SLC38A7: variants seen among roughly 807,000 people sequenced by gnomAD.
The protein encoded by SLC38A7 is sodium-coupled neutral amino acid transporter 7.
A neutral mutation model predicts 50.1 loss-of-function variants in SLC38A7; 29 were observed. That is an observed-to-expected ratio of 0.58 (90% CI 0.43 to 0.79). The LOEUF (loss-of-function observed/expected upper bound fraction) is 0.79, where lower values mean the gene tolerates loss of function less well. Among genes scored for constraint, SLC38A7 ranks in the 30% least tolerant of loss-of-function variants. The pLI is 0.00. For missense variants in SLC38A7, 483 were observed against 610.6 expected, an observed-to-expected ratio of 0.79 and a Z score of 2.20; for synonymous variants, 244 against 245.9, an observed-to-expected ratio of 0.99 and a Z score of 0.07.
chr16:58,676,231 C>T (rs549754441), intron 7 of SLC38A7, 58 bp downstream of exon 7: 1 of 1,610,370 alleles, frequency 6.2e-7, no homozygotes, highest in South Asian at 1.1e-5. Flanking sequence ...TGCTGGGTTC[C>T]ATCCCAGGGT....
chr16:58,683,243 C>T (rs2044429566), intron 2 of SLC38A7, among the ~76,000 whole-genome samples: 1 of 152,170 alleles, frequency 6.6e-6, no homozygotes. Context: ...ATAATGACTG[C>T]CCTAACCATT....
At chr16:58,668,858 C>T (rs908673462) in intron 11 of SLC38A7, among the ~76,000 whole-genome samples, 5 of 151,350 alleles carry the variant, frequency 3.3e-5, no homozygotes, top group Non-Finnish European at 1.5e-5. Context: ...CTGCAACCTC[C>T]GCCTCCGGGG....
Position 58,678,418 on chromosome 16 carries a change from G to A in SLC38A7, c.526C>T (p.Arg176Cys), listed in dbSNP as rs750440739. The A allele has an allele frequency of 1.1e-5, 17 of 1,599,976 alleles. No individual in the cohort carries two copies. Among genetic ancestry groups the A allele is most frequent in the South Asian group, 4.5e-5 (4 of 89,004 alleles). The stretch of plus-strand genomic sequence containing the variant: ...GCAGTGAGGCTGATGGTGAACTTGC[G>A]GTCTGTGTACCAAGGGCCGCTGGCC... ...EGASGPWYTD[R>C]KFTISLTAFL... Residue 176 changes from arginine (R) to cysteine (C), a missense_variant, in exon 5 of 12, where the codon CGC becomes TGC. Arg to Cys is a radical substitution (Grantham distance 180). Coordinates refer to ENST00000219320, the MANE Select transcript of SLC38A7 (RefSeq NM_018231.3). The surrounding 1 kb of genome is among the most constrained non-coding windows in gnomAD (Gnocchi z 4.0).
At chr16:58,671,006 T>C in intron 10 of SLC38A7, 39 bp downstream of exon 10, 2 of 1,555,608 alleles carry the variant, frequency 1.3e-6, no homozygotes, top group African/African-American at 1.4e-5. Flanking sequence ...TGGGAGTCTG[T>C]GCTGTGGGGC....
chr16:58,676,697 G>C (rs2044274279), intron 6 of SLC38A7, among the ~76,000 whole-genome samples: 1 of 152,126 alleles, frequency 6.6e-6, no homozygotes, highest in Admixed American at 6.6e-5. Context: ...TGTCACCCAG[G>C]CTGGAGTGCA....
intron 10 of SLC38A7, 76 bp downstream of exon 10, chr16:58,670,969 A>C: frequency 6.7e-7 from 1 of 1,491,344 alleles, no homozygotes; most frequent in East Asian, 2.5e-5. Flanking sequence ...GTTTTGAGCA[A>C]GTAGGGAGCT....
chr16:58,680,493 C>G (rs1225785997), intron 2 of SLC38A7, among the ~76,000 whole-genome samples: 1 of 152,206 alleles, frequency 6.6e-6, no homozygotes, highest in African/African-American at 2.4e-5. Context: ...ACTAACACAT[C>G]AGCACTCGAT....
intron 9 of SLC38A7, chr16:58,671,491 G>A (rs2044158178): frequency 1.7e-6 from 1 of 579,464 alleles, no homozygotes; most frequent in African/African-American, 1.9e-5. Flanking sequence ...TCCTTAAAAG[G>A]AACTGTCTGG....
chr16:58,679,588 T>C (rs1250424298), intron 3 of SLC38A7: 2 of 538,802 alleles, frequency 3.7e-6, no homozygotes, highest in Non-Finnish European at 6.5e-6. Flanking sequence ...ATAAGGGCCC[T>C]CTTTTTAAAC....
intron 3 of SLC38A7, chr16:58,679,484 A>C: frequency 2.1e-6 from 1 of 483,724 alleles, no homozygotes; most frequent in Non-Finnish European, 3.6e-6. Context: ...TTGTTTCATC[A>C]TTCCCCTTCC....
chr16:58,677,124 CTCCTG>C (rs1244716273), intron 6 of SLC38A7, among the ~76,000 whole-genome samples, 197 bp downstream of exon 6: 1 of 152,150 alleles, frequency 6.6e-6, no homozygotes, highest in East Asian at 1.9e-4. Context: ...GGCAAAGTGC[CTCCTG>C]TCTCTGATTC....
intron 3 of SLC38A7, 102 bp downstream of exon 3, chr16:58,679,755 A>G: frequency 6.9e-7 from 1 of 1,440,948 alleles, no homozygotes; most frequent in Non-Finnish European, 9.6e-7. Flanking sequence ...AGGGGAGAGC[A>G]GTGCGTGTAT....
chr16:58,681,356 G>C (rs1462688147), intron 2 of SLC38A7: 1 of 152,146 alleles, frequency 6.6e-6, no homozygotes, highest in African/African-American at 2.4e-5. Flanking sequence ...GGTACCTTGG[G>C]TATGGCAGAA....
chr16:58,684,502 C>G (rs2044451364), intron 1 of SLC38A7: 1 of 152,448 alleles, frequency 6.6e-6, no homozygotes, highest in Non-Finnish European at 1.5e-5. Flanking sequence ...CTCCGGGACC[C>G]GATCCCGGCC....
In SLC38A7 at chr16:58,666,988, C is replaced by T. The variant is rs115724372; in HGVS notation, c.*397G>A. The T allele has an allele frequency of 2.6e-3, 615 of 238,864 alleles. 8 individuals are homozygous for T. The highest frequency in any genetic ancestry group is 0.013 in the African/African-American group (580 of 44,976). The allele number at this position is 238,864 out of a possible 1,614,324, so 14.8% of individuals were successfully genotyped here. ...TGGGGTAATGAGCACAACCCCTACT[C>T]AGGACAGGGTGCTCTGTGGAGGATG... On this transcript the variant is annotated 3_prime_UTR_variant, in exon 12 of 12. Coordinates refer to ENST00000219320, the MANE Select transcript of SLC38A7 (RefSeq NM_018231.3).
intron 6 of SLC38A7, among the ~76,000 whole-genome samples, chr16:58,677,060 T>A (rs1215875293): frequency 6.6e-6 from 1 of 151,926 alleles, no homozygotes; most frequent in Non-Finnish European, 1.5e-5. Flanking sequence ...CACCCTCAGG[T>A]TCCTCCACAA....
In SLC38A7 at chr16:58,678,777, G is replaced by C. The variant is rs1270443489; in HGVS notation, c.388C>G (p.Leu130Val). Residue 130 changes from leucine to valine, a missense_variant, in exon 4 of 12, where the codon CTA becomes GTA. Coordinates refer to ENST00000219320, the MANE Select transcript of SLC38A7 (RefSeq NM_018231.3). This position sits in a 1 kb window ranked among gnomAD's most constrained non-coding sequence, Gnocchi z 4.0. ...WAVCGKLTGV[L>V]CEVAIAVYTF... ...TAGACAGCGATGGCCACCTCACATA[G>C]CACACCTGTCAGCTTGCCACACACA... 6.2e-7 allele frequency: 1 copy of C among 1,614,158 alleles called. No homozygotes were observed. Among genetic ancestry groups the C allele is most frequent in the South Asian group, 1.1e-5 (1 of 91,084 alleles).
chr16:58,677,167 C>G (rs543020892), intron 6 of SLC38A7, among the ~76,000 whole-genome samples, 159 bp downstream of exon 6: 15 of 152,214 alleles, frequency 9.9e-5, no homozygotes, highest in African/African-American at 3.4e-4. Flanking sequence ...AACATCAGAG[C>G]AGGGGCTCTT....
intron 6 of SLC38A7, 38 bp from the exon 7 acceptor site, chr16:58,676,384 C>G: frequency 6.2e-7 from 1 of 1,612,944 alleles, no homozygotes; most frequent in East Asian, 2.2e-5. Context: ...ACCTGGGAAC[C>G]CCTCAGAGCC....
Sources: gnomAD v4.1 joint callset for allele counts (sites outside exome capture counted in the v4.1 genomes callset) on GRCh38, gnomAD v4.1.1 for gene constraint, Gnocchi (gnomAD v3.1) non-coding constraint, MANE v1.5 for transcripts, NCBI Gene and HGNC (gene_info 2026-07-23, HGNC 2026-07-21) for gene names.